The following ELMO1 variants were observed in gnomAD, a reference collection of about 807,000 sequenced individuals.
ELMO1 encodes the protein engulfment and cell motility 1, also known as engulfment and cell motility protein 1.
Under a neutral mutation model 98.9 loss-of-function variants are expected in ELMO1, and 26 were observed. The observed-to-expected ratio is 0.26, with a 90% CI of 0.19 to 0.36. The LOEUF is 0.36. Among genes scored for constraint, ELMO1 ranks in the 10% least tolerant of loss-of-function variants. The probability of loss-of-function intolerance (pLI) is 1.00; values close to 1 mark genes in which losing one functional copy is unlikely to be tolerated. For synonymous variants in ELMO1, 346 were observed against 346.0 expected, an observed-to-expected ratio of 1.00 and a Z score of 0.00; for missense variants, 627 against 935.2, an observed-to-expected ratio of 0.67 and a Z score of 4.30.
intron 15 of ELMO1, among the ~76,000 whole-genome samples, chr7:37,024,581 G>A (rs1794462182): frequency 6.6e-6 from 1 of 152,136 alleles, no homozygotes; most frequent in Non-Finnish European, 1.5e-5. Flanking sequence ...AGTTAGGACT[G>A]CAGCTAGAAT....
At chr7:37,044,334 C>T (rs1795687236) in intron 15 of ELMO1, among the ~76,000 whole-genome samples, 1 of 152,164 alleles carries the variant, frequency 6.6e-6, no homozygotes, top group Non-Finnish European at 1.5e-5. Context: ...ATTAAAAAAG[C>T]TAATGTGAGT....
At chr7:37,168,132 G>A (rs575295697) in intron 13 of ELMO1, among the ~76,000 whole-genome samples, 3 of 151,904 alleles carry the variant, frequency 2.0e-5, no homozygotes, top group African/African-American at 7.3e-5. Context: ...TGATCGCATT[G>A]GCTCCTGAGG....
At chr7:37,366,084 T>C (rs1180562652) in intron 1 of ELMO1, among the ~76,000 whole-genome samples, 1 of 152,218 alleles carries the variant, frequency 6.6e-6, no homozygotes, top group Non-Finnish European at 1.5e-5. Context: ...AAGTTGTTTC[T>C]AAAATCACAC....
chr7:37,301,241 G>A (rs1455500084), intron 4 of ELMO1, among the ~76,000 whole-genome samples: 1 of 150,962 alleles, frequency 6.6e-6, no homozygotes, highest in Non-Finnish European at 1.5e-5. Context: ...GAGAAGGAAA[G>A]GAAGGAAAAA....
At chr7:37,112,262 G>A (rs749739774) in intron 14 of ELMO1, among the ~76,000 whole-genome samples, 11 of 152,068 alleles carry the variant, frequency 7.2e-5, no homozygotes, top group Non-Finnish European at 1.5e-4. Flanking sequence ...TAAAACATAC[G>A]ATTATATAAT....
chr7:36,855,855 G>A lies in ELMO1; in HGVS notation c.1984-104C>T, dbSNP rs1424779991. 1.6e-5 allele frequency: 21 copies of A among 1,312,050 alleles called. No homozygotes were observed. The highest frequency in any genetic ancestry group is 5.1e-4 in the Middle Eastern group (2 of 3,920). The allele number at this position is 1,312,050 out of a possible 1,614,324, so 81.3% of individuals were successfully genotyped here. A position where few individuals can be genotyped will look rare whatever the true frequency, so the allele number is the denominator to read the frequency against. Reference sequence around the variant, plus strand: ...ATACTCATCCCTCAGTAGGCTGTGCGCTAAGGGCTCTGCCTACTTCGTCAT... The same window carrying A: ...ATACTCATCCCTCAGTAGGCTGTGCACTAAGGGCTCTGCCTACTTCGTCAT... On this transcript the variant is annotated intron_variant, in intron 21 of 21. Transcript: ENST00000310758. This position sits in a 1 kb window ranked among gnomAD's most constrained non-coding sequence, Gnocchi z 4.2.
chr7:37,222,547 G>C, intron 10 of ELMO1, 68 bp downstream of exon 10: 1 of 1,465,846 alleles, frequency 6.8e-7, no homozygotes, highest in South Asian at 1.2e-5. Context: ...AATAGAAGGA[G>C]AGGGCGTTCT....
chr7:36,969,484 C>T (rs1424684103), intron 16 of ELMO1, among the ~76,000 whole-genome samples: 1 of 152,108 alleles, frequency 6.6e-6, no homozygotes, highest in Admixed American at 6.6e-5. Flanking sequence ...TGTGTCATTT[C>T]ACAGGAAGTT....
intron 2 of ELMO1, among the ~76,000 whole-genome samples, chr7:37,316,899 A>C (rs945423343): frequency 5.0e-5 from 7 of 139,238 alleles, no homozygotes; most frequent in Admixed American, 1.5e-4. Flanking sequence ...GTATCTGCGA[A>C]GAGATTCTGA....
intron 1 of ELMO1, among the ~76,000 whole-genome samples, chr7:37,353,949 T>C (rs1055587329): frequency 6.6e-6 from 1 of 152,212 alleles, no homozygotes; most frequent in African/African-American, 2.4e-5. Flanking sequence ...TCCAATGTCC[T>C]TTCCTTCCCT....
intron 5 of ELMO1, among the ~76,000 whole-genome samples, chr7:37,267,215 A>AT (rs1180045416): frequency 1.3e-5 from 2 of 152,144 alleles, no homozygotes; most frequent in African/African-American, 4.8e-5. Context: ...TTCCACATAC[A>AT]TAACAGGCAT....
chr7:36,876,615 T>C lies in ELMO1; in HGVS notation c.1822+1395A>G, dbSNP rs543441164. ...CAGGGCTGGGAATGGGGTCTGAGAA[T>C]GTGCATTGCTAAGAAGTTCCTAGGT... On this transcript the variant is annotated intron_variant, in intron 19 of 21. Coordinates refer to ENST00000310758, the MANE Select transcript of ELMO1 (RefSeq NM_014800.11). Among the ~76,000 whole-genome samples the C allele has an allele frequency of 5.3e-5, 8 of 152,260 alleles. No homozygotes were observed. In the East Asian group the frequency reaches 1.5e-3, roughly 29 times the overall value.
At chr7:37,174,137 C>T (rs1317954629) in intron 13 of ELMO1, among the ~76,000 whole-genome samples, 2 of 152,166 alleles carry the variant, frequency 1.3e-5, no homozygotes, top group Non-Finnish European at 1.5e-5. Context: ...CCCCATTCTA[C>T]CCCAACTTAT....
intron 18 of ELMO1, among the ~76,000 whole-genome samples, chr7:36,883,782 T>C (rs1804682034): frequency 6.6e-6 from 1 of 152,138 alleles, no homozygotes; most frequent in Non-Finnish European, 1.5e-5. Context: ...AATTAGTCAG[T>C]CTTAGGCATT....
rs74629287 is a variant in ELMO1, at chr7:37,382,693, T to C, written c.-73-39930A>G. On this transcript the variant is annotated intron_variant, in intron 1 of 21. Coordinates refer to ENST00000310758, the MANE Select transcript of ELMO1 (RefSeq NM_014800.11). ...CCCACGTATTTACTTTCCCACAGTCTGCCACCCTGGGAAGCCTAAAACCCT... is the reference window on the plus strand; with the variant it reads ...CCCACGTATTTACTTTCCCACAGTCCGCCACCCTGGGAAGCCTAAAACCCT... Among the ~76,000 whole-genome samples, 590 of 152,256 alleles carry C rather than the reference T, an allele frequency of 3.9e-3. 3 individuals are homozygous for C. Among genetic ancestry groups the C allele is most frequent in the African/African-American group, 0.013 (539 of 41,538 alleles).
At chr7:37,317,950 CCTA>C (rs1273984996) in intron 2 of ELMO1, among the ~76,000 whole-genome samples, 2 of 152,060 alleles carry the variant, frequency 1.3e-5, no homozygotes, top group Non-Finnish European at 2.9e-5. Context: ...AATACATATA[CCTA>C]CTAAGTACGC....
chr7:37,156,217 A>G (rs989296632), intron 13 of ELMO1, among the ~76,000 whole-genome samples: 1 of 152,244 alleles, frequency 6.6e-6, no homozygotes, highest in Non-Finnish European at 1.5e-5. Context: ...CCACAAGAGA[A>G]AGCAGGAAAG....
chr7:36,986,533 G>C (rs188271772), intron 16 of ELMO1: 4 of 152,478 alleles, frequency 2.6e-5, no homozygotes, highest in African/African-American at 9.7e-5. Context: ...TGGGAGAAGT[G>C]GGGGAGTGCC....
chr7:36,990,086 CA>C (rs1256410472), intron 16 of ELMO1, among the ~76,000 whole-genome samples: 1 of 152,026 alleles, frequency 6.6e-6, no homozygotes, highest in Non-Finnish European at 1.5e-5. Flanking sequence ...GGGTCCACTT[CA>C]AGAAAAAAAT....
Sources: allele counts gnomAD v4.1 joint callset (sites outside exome capture counted in the v4.1 genomes callset), GRCh38; gene constraint gnomAD v4.1.1; non-coding constraint Gnocchi (gnomAD v3.1); transcripts MANE v1.5; gene names NCBI Gene and HGNC (gene_info 2026-07-23, HGNC 2026-07-21).